The following PCDHGA8 variants were observed in gnomAD, a reference collection of about 807,000 sequenced individuals.
PCDHGA8 encodes the protein protocadherin gamma-A8.
Under a neutral mutation model 59.2 loss-of-function variants are expected in PCDHGA8, and 45 were observed. The observed-to-expected ratio is 0.76, with a 90% CI of 0.60 to 0.98. The LOEUF (loss-of-function observed/expected upper bound fraction) is 0.98, where lower values mean the gene tolerates loss of function less well. Among genes scored for constraint, PCDHGA8 ranks in the 50% least tolerant of loss-of-function variants. PCDHGA8 has a pLI of 0.00. For missense variants in PCDHGA8, 1,257 were observed against 1,196.2 expected (o/e 1.05, Z -0.75); for synonymous variants, 531 against 519.0 (o/e 1.02, Z -0.32).
At chr5:141,404,112 A>G (rs372014000) in intron 1 of PCDHGA8, 3 of 1,613,380 alleles carry the variant, frequency 1.9e-6, no homozygotes, top group Non-Finnish European at 2.5e-6. Context: ...TGTTCTATCC[A>G]GGAGAATCTA....
At position 141,489,244 on chromosome 5, in the gene PCDHGA8, G is replaced by A. The variant is rs145484133; in HGVS notation, c.2425-5563G>A. ...TCCACAAAGGGACTTCTGGGTCATG[G>A]GGCCCAAGACACTCCCACAGCTCGC... On this transcript the variant is annotated intron_variant, in intron 1 of 3. Coordinates refer to ENST00000398604, the MANE Select transcript of PCDHGA8 (RefSeq NM_032088.2). This position sits in a 1 kb window ranked among gnomAD's most constrained non-coding sequence, Gnocchi z 4.5. 5 of 1,534,936 alleles carry A rather than the reference G, an allele frequency of 3.3e-6. No individual in the cohort carries two copies. In the African/African-American group the frequency reaches 5.5e-5, roughly 17 times the overall value.
intron 1 of PCDHGA8, among the ~76,000 whole-genome samples, chr5:141,455,549 C>G (rs911113181): frequency 1.3e-5 from 2 of 152,042 alleles, no homozygotes; most frequent in Non-Finnish European, 2.9e-5. Flanking sequence ...TCACGTAGCC[C>G]GAGAAAAAGC....
At chr5:141,484,672 A>G (rs1253641119) in intron 1 of PCDHGA8, among the ~76,000 whole-genome samples, 1 of 151,990 alleles carries the variant, frequency 6.6e-6, no homozygotes, top group African/African-American at 2.4e-5. Flanking sequence ...AGTGGGCCGC[A>G]GGTTGCTAGG....
At chr5:141,408,889 A>T in intron 1 of PCDHGA8, 3 of 1,613,232 alleles carry the variant, frequency 1.9e-6, no homozygotes, top group Non-Finnish European at 2.5e-6. Flanking sequence ...CTCACATAGA[A>T]ATTTCTGTCA....
Position 141,397,997 on chromosome 5 carries a change from C to T in PCDHGA8, c.2424+2760C>T, listed in dbSNP as rs2093595590. ...GCCGGCCTTTACACCGCTTCCTCCTCGGAAAAAGAATCGTTTCCTAAACTG... is the reference window on the plus strand; with the variant it reads ...GCCGGCCTTTACACCGCTTCCTCCTTGGAAAAAGAATCGTTTCCTAAACTG... On this transcript the variant is annotated intron_variant, in intron 1 of 3. Coordinates refer to ENST00000398604, the MANE Select transcript of PCDHGA8 (RefSeq NM_032088.2). The T allele has an allele frequency of 6.6e-6, 9 of 1,372,980 alleles. No individual in the cohort carries two copies. The Admixed American group carries it at 2.4e-4, about 37-fold the overall frequency. The allele number at this position is 1,372,980 out of a possible 1,614,324, so 85.0% of individuals were successfully genotyped here.
At chr5:141,406,574 C>A (rs941574087) in intron 1 of PCDHGA8, among the ~76,000 whole-genome samples, 1 of 152,164 alleles carries the variant, frequency 6.6e-6, no homozygotes, top group African/African-American at 2.4e-5. Context: ...CCCTAGTAAA[C>A]CAATTTTTTC....
chr5:141,475,947 C>A, intron 1 of PCDHGA8: 1 of 748,120 alleles, frequency 1.3e-6, no homozygotes, highest in Non-Finnish European at 2.1e-6. Context: ...CGTCCCCTTT[C>A]TGCGCCCCGG....
intron 1 of PCDHGA8, chr5:141,415,230 A>G (rs1222982593): frequency 6.2e-7 from 1 of 1,614,050 alleles, no homozygotes; most frequent in Non-Finnish European, 8.5e-7. Context: ...TCGAGTCTCC[A>G]GCTAACTCTG....
intron 1 of PCDHGA8, chr5:141,416,492 A>G (rs183273356): frequency 1.4e-4 from 22 of 152,306 alleles, no homozygotes; most frequent in Admixed American, 1.4e-3. Flanking sequence ...AACAGGAGCA[A>G]GAGATATATG....
chr5:141,476,455 G>C lies in PCDHGA8; in HGVS notation c.2425-18352G>C, dbSNP rs572682842. On this transcript the variant is annotated intron_variant, in intron 1 of 3. Transcript: ENST00000398604. The surrounding 1 kb of genome is among the most constrained non-coding windows in gnomAD (Gnocchi z 7.6). ...CTGTAACTCTGGAGTTGGTAGTGGA[G>C]AACCCGCTGGAGCTGTTCAGCGTGG... 22 of 1,614,152 alleles carry C rather than the reference G, an allele frequency of 1.4e-5. No homozygotes were observed. In the South Asian group the frequency reaches 2.4e-4, roughly 18 times the overall value.
chr5:141,431,884 T>A lies in PCDHGA8; in HGVS notation c.2424+36647T>A. ...CCCTTTTAAATGTAAATGACCAAGA[T>A]TCTGAGGAAAACGGACAGGTGATCT... On this transcript the variant is annotated intron_variant, in intron 1 of 3. Transcript: ENST00000398604. This position sits in a 1 kb window ranked among gnomAD's most constrained non-coding sequence, Gnocchi z 4.8. 1.2e-6 allele frequency: 2 copies of A among 1,614,218 alleles called. No individual in the cohort carries two copies. Among genetic ancestry groups the A allele is most frequent in the Non-Finnish European group, 1.7e-6 (2 of 1,180,008 alleles).
In PCDHGA8 at chr5:141,392,978, C is replaced by T; in HGVS notation, c.165C>T (p.Asp55=). ...ATATCTCCAAGGACCTGGGGCTGGA[C>T]CCCCGGAAGCTGGCGAAGCACGGAG... ...VGNISKDLGL[D]PRKLAKHGVR... The change falls in exon 1 of 4, where the codon GAC becomes GAT. Residue 55 remains aspartate (D), a synonymous_variant. Transcript: ENST00000398604. The T allele has an allele frequency of 1.9e-6, 3 of 1,613,808 alleles. No homozygotes were observed. The highest frequency in any genetic ancestry group is 1.1e-5 in the South Asian group (1 of 91,072).
intron 1 of PCDHGA8, chr5:141,405,408 TTTTTTTG>T (rs2094659443): frequency 2.5e-6 from 4 of 1,572,390 alleles, no homozygotes; most frequent in African/African-American, 1.4e-5. Flanking sequence ...CTTTCTTTTC[TTTTTTTG>T]TTTTTTGTTT....
chr5:141,426,523 G>A (rs1018320941), intron 1 of PCDHGA8: 14 of 342,474 alleles, frequency 4.1e-5, no homozygotes, highest in African/African-American at 3.0e-4. Flanking sequence ...CGTGAACACG[G>A]AGAATGGGAA....
At chr5:141,415,314 C>A (rs375384840) in intron 1 of PCDHGA8, 1 of 1,614,238 alleles carries the variant, frequency 6.2e-7, no homozygotes, top group Non-Finnish European at 8.5e-7. Context: ...CCTTCGTCAT[C>A]GTGCTGCTGG....
intron 2 of PCDHGA8, among the ~76,000 whole-genome samples, chr5:141,501,026 G>A (rs1053442173): frequency 7.9e-5 from 12 of 151,608 alleles, no homozygotes; most frequent in Non-Finnish European, 1.5e-4. Flanking sequence ...GCGCCACCAC[G>A]CCCAGCTAAT....
In PCDHGA8 at chr5:141,503,243, C is replaced by T. The variant is rs146741382; in HGVS notation, c.2484-2150C>T. Among the ~76,000 whole-genome samples the T allele has an allele frequency of 3.1e-4, 47 of 152,198 alleles. No individual in the cohort carries two copies. The East Asian group carries it at 8.9e-3, about 29-fold the overall frequency. ...CACCGTAAAGATGGACAGTTTCTAT[C>T]ATACTCACAGCCACAACCCCAGCAC... On this transcript the variant is annotated intron_variant, in intron 2 of 3. Coordinates refer to ENST00000398604, the MANE Select transcript of PCDHGA8 (RefSeq NM_032088.2).
chr5:141,458,513 GT>G (rs537551567), intron 1 of PCDHGA8, among the ~76,000 whole-genome samples: 34 of 146,056 alleles, frequency 2.3e-4, no homozygotes, highest in South Asian at 6.5e-4. Flanking sequence ...TTGACACTTT[GT>G]TTTTTTTTTT....
intron 1 of PCDHGA8, chr5:141,421,983 T>G: frequency 6.2e-7 from 1 of 1,609,228 alleles, no homozygotes; most frequent in Non-Finnish European, 8.5e-7. Context: ...GCGTGAGTGT[T>G]CCAGAAAACA....
Sources: allele counts gnomAD v4.1 joint callset (sites outside exome capture counted in the v4.1 genomes callset), GRCh38; gene constraint gnomAD v4.1.1; non-coding constraint Gnocchi (gnomAD v3.1); transcripts MANE v1.5; gene names NCBI Gene and HGNC (gene_info 2026-07-23, HGNC 2026-07-21).